The following LSAMP variants were observed in gnomAD, a reference collection of about 807,000 sequenced individuals.
The protein encoded by LSAMP is limbic system associated membrane protein.
A neutral mutation model predicts 38.6 loss-of-function variants in LSAMP; 7 were observed. That is an observed-to-expected ratio of 0.18 (90% CI 0.10 to 0.34). LSAMP has a LOEUF of 0.34. LSAMP is among the 10% of genes least tolerant of loss of function. The probability of loss-of-function intolerance (pLI) is 1.00; values close to 1 mark genes in which losing one functional copy is unlikely to be tolerated. For synonymous variants in LSAMP, 154 were observed against 166.8 expected (o/e 0.92, Z 0.59); for missense variants, 313 against 420.0 (o/e 0.75, Z 2.23).
chr3:115,816,456 A>G (rs777045255), intron 6 of LSAMP, among the ~76,000 whole-genome samples: 1 of 152,210 alleles, frequency 6.6e-6, no homozygotes, highest in Non-Finnish European at 1.5e-5. Flanking sequence ...CTTTTTGTAA[A>G]TGAAAAAGTT....
intron 1 of LSAMP, among the ~76,000 whole-genome samples, chr3:116,268,104 C>T (rs1196736863): frequency 6.6e-6 from 1 of 152,118 alleles, no homozygotes; most frequent in Non-Finnish European, 1.5e-5. Context: ...CTTGTTAAAG[C>T]CACTTTATTT....
chr3:116,149,172 C>A (rs1315811786), intron 1 of LSAMP, among the ~76,000 whole-genome samples: 1 of 151,870 alleles, frequency 6.6e-6, no homozygotes, highest in African/African-American at 2.4e-5. Context: ...GGCCCTCATG[C>A]CCTCAATGTG....
At chr3:116,229,423 AGATAC>A in intron 1 of LSAMP, among the ~76,000 whole-genome samples, 1 of 152,158 alleles carries the variant, frequency 6.6e-6, no homozygotes, top group African/African-American at 2.4e-5. Flanking sequence ...GAAGATGAAT[AGATAC>A]AGGCAATTGC....
chr3:115,859,461 G>A (rs1420852903), intron 3 of LSAMP, among the ~76,000 whole-genome samples: 5 of 152,190 alleles, frequency 3.3e-5, no homozygotes, highest in Non-Finnish European at 7.3e-5. Context: ...TGAAGAAAGA[G>A]GCATATGACT....
chr3:116,290,773 T>TAATAATAATAATAAA (rs1397690470), intron 1 of LSAMP, among the ~76,000 whole-genome samples: 2 of 142,516 alleles, frequency 1.4e-5, no homozygotes, highest in Admixed American at 1.4e-4. Context: ...ATAATAATAA[T>TAATAATAATAATAAA]AAAATAAACT....
chr3:116,203,477 A>C (rs13075251), intron 1 of LSAMP, among the ~76,000 whole-genome samples: 5 of 151,646 alleles, frequency 3.3e-5, no homozygotes, highest in Admixed American at 3.3e-4. Flanking sequence ...TATACATGTG[A>C]CATGCTGGTG....
chr3:116,176,967 T>C (rs1421097330), intron 1 of LSAMP, among the ~76,000 whole-genome samples: 1 of 152,160 alleles, frequency 6.6e-6, no homozygotes, highest in Non-Finnish European at 1.5e-5. Flanking sequence ...TTGTTAAGGT[T>C]TGAAAATTGT....
rs528334925 is a variant in LSAMP, at chr3:116,318,673, C to T, written c.155+126204G>A. On this transcript the variant is annotated intron_variant, in intron 1 of 6. Coordinates refer to ENST00000490035, the MANE Select transcript of LSAMP (RefSeq NM_002338.5). ...TTCAATGTAAACATCTAATTAACAC[C>T]AATACCCACATGAAGGCAAAATTCA... 2.3e-3 allele frequency among the ~76,000 whole-genome samples: 352 copies of T among 152,186 alleles called. 1 individual carries two copies. The highest frequency in any genetic ancestry group is 3.8e-3 in the Non-Finnish European group (256 of 68,026).
chr3:116,433,521 T>C (rs2049308908), intron 1 of LSAMP, among the ~76,000 whole-genome samples: 1 of 152,174 alleles, frequency 6.6e-6, no homozygotes, highest in Admixed American at 6.5e-5. Flanking sequence ...CCACTGAACA[T>C]TCCAGCGTTA....
chr3:116,170,939 C>T (rs995404792), intron 1 of LSAMP, among the ~76,000 whole-genome samples: 1 of 151,800 alleles, frequency 6.6e-6, no homozygotes, highest in African/African-American at 2.4e-5. Context: ...GCAAGAAAAC[C>T]GAGAAATTTT....
At chr3:116,137,029 T>C (rs1001524268) in intron 1 of LSAMP, among the ~76,000 whole-genome samples, 4 of 152,096 alleles carry the variant, frequency 2.6e-5, no homozygotes, top group Non-Finnish European at 5.9e-5. Context: ...GGAAGAATCC[T>C]TCTTTGTCTT....
At chr3:116,269,931 C>T (rs1017587819) in intron 1 of LSAMP, among the ~76,000 whole-genome samples, 14 of 152,118 alleles carry the variant, frequency 9.2e-5, no homozygotes, top group African/African-American at 3.4e-4. Flanking sequence ...GTTTACTGGA[C>T]TTCTAATAAA....
intron 1 of LSAMP, among the ~76,000 whole-genome samples, chr3:116,224,260 A>G (rs192543772): frequency 7.9e-5 from 12 of 152,330 alleles, no homozygotes; most frequent in African/African-American, 2.2e-4. Flanking sequence ...AGTAATGCTC[A>G]CTTAATTAGA....
Position 116,331,573 on chromosome 3 carries a change from G to T in LSAMP, c.155+113304C>A, listed in dbSNP as rs567041961. On this transcript the variant is annotated intron_variant, in intron 1 of 6. Coordinates refer to ENST00000490035, the MANE Select transcript of LSAMP (RefSeq NM_002338.5). ...CACATCAGAAACTTGGATACCAGAA[G>T]GCAGTGGCCTGGAAGAAATTGAAAC... Among the ~76,000 whole-genome samples, 3 of 152,222 alleles carry T rather than the reference G, an allele frequency of 2.0e-5. 1 individual carries two copies. In the South Asian group the frequency reaches 6.2e-4, roughly 32 times the overall value.
intron 1 of LSAMP, among the ~76,000 whole-genome samples, chr3:116,336,993 GA>G (rs58647777): frequency 6.6e-6 from 1 of 151,142 alleles, no homozygotes; most frequent in Non-Finnish European, 1.5e-5. Context: ...ATTAAGTCTT[GA>G]AAAAAAGCAT....
chr3:116,211,366 A>G (rs1009964501), intron 1 of LSAMP, among the ~76,000 whole-genome samples: 2 of 152,260 alleles, frequency 1.3e-5, no homozygotes, highest in African/African-American at 4.8e-5. Context: ...ATAAATCATA[A>G]ATATGTGAGG....
At chr3:116,099,585 A>G (rs1708298598) in intron 1 of LSAMP, among the ~76,000 whole-genome samples, 1 of 152,112 alleles carries the variant, frequency 6.6e-6, no homozygotes, top group Non-Finnish European at 1.5e-5. Flanking sequence ...AGGATAAGTC[A>G]CCTCTGTCTG....
intron 3 of LSAMP, among the ~76,000 whole-genome samples, chr3:115,864,295 T>G (rs1259385336): frequency 6.6e-6 from 1 of 152,172 alleles, no homozygotes; most frequent in Non-Finnish European, 1.5e-5. Context: ...TTACTGGCAG[T>G]CAGATTGCAC....
intron 1 of LSAMP, among the ~76,000 whole-genome samples, chr3:116,302,741 A>G (rs2107707747): frequency 6.6e-6 from 1 of 152,346 alleles, no homozygotes; most frequent in East Asian, 1.9e-4. Context: ...CATGGAACAC[A>G]GTAGAAGACA....
Sources: allele counts gnomAD v4.1 joint callset (sites outside exome capture counted in the v4.1 genomes callset), GRCh38; gene constraint gnomAD v4.1.1; transcripts MANE v1.5; gene names NCBI Gene and HGNC (gene_info 2026-07-23, HGNC 2026-07-21).